Variants in MRPL32 observed in about 807,000 individuals in gnomAD.
The protein encoded by MRPL32 is mitochondrial ribosomal protein L32, also known as large ribosomal subunit protein bL32m.
In MRPL32, 14 loss-of-function variants were observed where a neutral mutation model predicts 21.7. The ratio of observed to expected loss-of-function variants is 0.64; its 90% CI spans 0.43 to 1.01. The LOEUF (loss-of-function observed/expected upper bound fraction) is 1.01, where lower values mean the gene tolerates loss of function less well. MRPL32 is among the 50% of genes least tolerant of loss of function. The probability of loss-of-function intolerance (pLI) is 0.00; values close to 1 mark genes in which losing one functional copy is unlikely to be tolerated. For synonymous variants in MRPL32, 83 were observed against 87.7 expected, an observed-to-expected ratio of 0.95 and a Z score of 0.30; for missense variants, 211 against 235.9, an observed-to-expected ratio of 0.89 and a Z score of 0.69.
At chr7:42,934,435 C>T (rs1405806163) in intron 1 of MRPL32, among the ~76,000 whole-genome samples, 2 of 151,986 alleles carry the variant, frequency 1.3e-5, no homozygotes, top group East Asian at 3.9e-4. Flanking sequence ...AGACAGGAAT[C>T]AAGATTAAAT....
At chr7:42,935,633 T>C (rs1786410961) in intron 2 of MRPL32, 1 of 152,542 alleles carries the variant, frequency 6.6e-6, no homozygotes, top group Non-Finnish European at 1.5e-5. Flanking sequence ...CAATTAAGTG[T>C]CTATGATGTA....
rs1173720949 is a variant in MRPL32 at position 42,937,421 on chromosome 7, AGAC to A, written c.416_418del (p.Arg139del). ...GGTGTGCAAGGAGACTGCAGAAATC[AGAC>A]GACAGATAGGGAAGCAAGAAGGGGG... On this transcript the variant is annotated inframe_deletion, in exon 3 of 3. Transcript: ENST00000223324. The A allele has an allele frequency of 5.6e-6, 9 of 1,614,112 alleles. No homozygotes were observed. Among genetic ancestry groups the A allele is most frequent in the Admixed American group, 3.3e-5 (2 of 59,996 alleles).
At chr7:42,935,410 A>G (rs1003464405) in intron 2 of MRPL32, 4 of 267,722 alleles carry the variant, frequency 1.5e-5, no homozygotes, top group African/African-American at 8.7e-5. Flanking sequence ...TGACTTCTGA[A>G]TTGTGAGCTG....
intron 1 of MRPL32, among the ~76,000 whole-genome samples, chr7:42,932,753 T>C (rs1274299317): frequency 6.6e-6 from 1 of 150,660 alleles, no homozygotes; most frequent in Non-Finnish European, 1.5e-5. Context: ...ACACAGAATG[T>C]AACCCAAGCT....
intron 2 of MRPL32, chr7:42,936,832 C>T (rs766504775): frequency 4.3e-6 from 1 of 233,684 alleles, no homozygotes; most frequent in Non-Finnish European, 8.6e-6. Flanking sequence ...GTATTCTGTA[C>T]AGGAATTTGA....
rs1786453476 is a variant in MRPL32 at position 42,937,775 on chromosome 7, T to G, written c.*199T>G. On this transcript the variant is annotated 3_prime_UTR_variant, in exon 3 of 3. Coordinates refer to ENST00000223324, the MANE Select transcript of MRPL32 (RefSeq NM_031903.3). Reference sequence around the variant, plus strand: ...TTTGTTTATCCAAAGGCTCAATGGATTATGTTTCTATTATATACAAGGTTT... The same window carrying G: ...TTTGTTTATCCAAAGGCTCAATGGAGTATGTTTCTATTATATACAAGGTTT... The G allele has an allele frequency of 1.1e-5, 5 of 474,510 alleles. No individual in the cohort carries two copies. The Admixed American group carries it at 1.1e-4, about 11-fold the overall frequency. The allele number at this position is 474,510 out of a possible 1,614,324, so 29.4% of individuals were successfully genotyped here.
intron 2 of MRPL32, 95 bp downstream of exon 2, chr7:42,935,231 A>C: frequency 6.0e-6 from 6 of 999,516 alleles, no homozygotes; most frequent in Non-Finnish European, 8.8e-6. Context: ...AATTATTATC[A>C]GATTATATGT....
intron 1 of MRPL32, among the ~76,000 whole-genome samples, chr7:42,932,784 GCC>G (rs144211483): frequency 0.084 from 12,701 of 151,628 alleles, 626 homozygotes; most frequent in Middle Eastern, 0.13. Context: ...ATAAATCATA[GCC>G]AGCCAGTAAG....
At chr7:42,932,591 C>G in intron 1 of MRPL32, 75 bp downstream of exon 1, 1 of 1,454,748 alleles carries the variant, frequency 6.9e-7, no homozygotes, top group Non-Finnish European at 9.1e-7. Context: ...GCAGCTTACA[C>G]AGTTCGCCCT....
At chr7:42,934,204 G>A (rs1247117366) in intron 1 of MRPL32, among the ~76,000 whole-genome samples, 1 of 150,606 alleles carries the variant, frequency 6.6e-6, no homozygotes, top group East Asian at 2.0e-4. Flanking sequence ...GGAGGCGGAG[G>A]TTGCAGTGAG....
chr7:42,934,814 T>C, intron 1 of MRPL32, 141 bp from the exon 2 acceptor site: 1 of 557,392 alleles, frequency 1.8e-6, no homozygotes, highest in South Asian at 4.9e-5. Flanking sequence ...TTTCTCATTA[T>C]TGAGTTTCAC....
rs1786335384 is a variant in MRPL32, at chr7:42,932,412, T to C, written c.26T>C (p.Val9Ala). The C allele has an allele frequency of 1.2e-6, 2 of 1,611,582 alleles. No homozygotes were observed. The highest frequency in any genetic ancestry group is 1.7e-6 in the Non-Finnish European group (2 of 1,178,520). The change falls in exon 1 of 3, where the codon GTG becomes GCG. Residue 9 changes from valine (V) to alanine (A), a missense_variant. This residue lies in a region of MRPL32 where 81 missense variants were observed against 55.8 expected (regional missense o/e 1.45). Coordinates refer to ENST00000223324, the MANE Select transcript of MRPL32 (RefSeq NM_031903.3). ...ATGGCGCTGGCCATGCTGGTCTTGG[T>C]GGTTTCGCCGTGGTCTGCGGCCCGG... MALAMLVL[V>A]VSPWSAARGV...
chr7:42,937,094 C>T, intron 2 of MRPL32: 1 of 998,274 alleles, frequency 1.0e-6, no homozygotes, highest in South Asian at 1.4e-5. Context: ...AGTAAAGATA[C>T]CAGATTCAGG....
In MRPL32 at chr7:42,937,681, A is replaced by G. The variant is rs1366931453; in HGVS notation, c.*105A>G. On this transcript the variant is annotated 3_prime_UTR_variant, in exon 3 of 3. Coordinates refer to ENST00000223324, the MANE Select transcript of MRPL32 (RefSeq NM_031903.3). ...TGTTTTTAAATCATCAGTATAGTTT[A>G]ACACATTCTTTCTAAGCAGTTTTGT... 8 of 1,210,724 alleles carry G rather than the reference A, an allele frequency of 6.6e-6. No homozygotes were observed. Among genetic ancestry groups the G allele is most frequent in the African/African-American group, 1.5e-5 (1 of 65,334 alleles). 75.0% of individuals were successfully genotyped at this position (1,210,724 alleles called of 1,614,324 possible).
chr7:42,937,724 A>C lies in MRPL32; in HGVS notation c.*148A>C. On this transcript the variant is annotated 3_prime_UTR_variant, in exon 3 of 3. Transcript: ENST00000223324. ...AGTTTTGTGTGGGATAATTTGAAGA[A>C]TATATTATGAGTAAACTCCGAAAAT... is the stretch of plus-strand genomic sequence containing the variant. The C allele has an allele frequency of 1.2e-6, 1 of 844,458 alleles. No homozygotes were observed. Among genetic ancestry groups the C allele is most frequent in the Non-Finnish European group, 1.7e-6 (1 of 587,702 alleles). 52.3% of individuals were successfully genotyped at this position (844,458 alleles called of 1,614,324 possible).
At chr7:42,934,934 C>T in intron 1 of MRPL32, 21 bp from the exon 2 acceptor site, 1 of 1,519,376 alleles carries the variant, frequency 6.6e-7, no homozygotes, top group Non-Finnish European at 8.8e-7. Flanking sequence ...AATTCTGTAT[C>T]TCTTATGTTT....
intron 1 of MRPL32, 87 bp from the exon 2 acceptor site, chr7:42,934,868 C>T (rs1786399962): frequency 4.9e-6 from 5 of 1,021,876 alleles, no homozygotes; most frequent in Admixed American, 2.8e-5. Context: ...GTATGTTTGA[C>T]CATTGATTGT....
Position 42,937,334 on chromosome 7 carries a change from G to T in MRPL32, c.325G>T (p.Val109Phe). 1 of 1,614,148 alleles carries T rather than the reference G, an allele frequency of 6.2e-7. No individual in the cohort carries two copies. The highest frequency in any genetic ancestry group is 1.1e-5 in the South Asian group (1 of 91,084). ...TATTGTTTTAAAGAACAACATAGAC[G>T]TTTGTCCTGAATGTGGTCACCTGAA... ...KLIKVKNNIDVCPECGHLKQK... is the reference protein window; with the variant it reads ...KLIKVKNNIDFCPECGHLKQK... The change falls in exon 3 of 3, where the codon GTT (valine) becomes TTT (phenylalanine). Residue 109 changes from valine to phenylalanine, a missense_variant. Val to Phe is a conservative substitution (Grantham distance 50, BLOSUM62 -1). This residue lies in a region of MRPL32 where 130 missense variants were observed against 180.1 expected (regional missense o/e 0.72). Coordinates refer to ENST00000223324, the MANE Select transcript of MRPL32 (RefSeq NM_031903.3).
rs1445758519 is a variant in MRPL32 at position 42,937,545 on chromosome 7, G to A, written c.536G>A (p.Arg179Lys). Residue 179 changes from arginine to lysine, a missense_variant, in exon 3 of 3, where the codon AGA (arginine) becomes AAA (lysine). Coordinates refer to ENST00000223324, the MANE Select transcript of MRPL32 (RefSeq NM_031903.3). ...GGCAAGAGGATCATTGAACGAGACA[G>A]AAAGCGACCATCCTGGTTCACCCAG... ...DQGKRIIERDRKRPSWFTQN is the reference protein window; with the variant it reads ...DQGKRIIERDKKRPSWFTQN 6.2e-7 allele frequency: 1 copy of A among 1,612,658 alleles called. No individual in the cohort carries two copies. The highest frequency in any genetic ancestry group is 8.5e-7 in the Non-Finnish European group (1 of 1,179,248).
Sources: allele counts gnomAD v4.1 joint callset (sites outside exome capture counted in the v4.1 genomes callset), GRCh38; gene constraint gnomAD v4.1.1; regional missense constraint gnomAD v4.1.1; transcripts MANE v1.5; gene names NCBI Gene and HGNC (gene_info 2026-07-23, HGNC 2026-07-21).